Variants in DROSHA observed in about 807,000 individuals in gnomAD.
DROSHA encodes the protein drosha ribonuclease III.
Under a neutral mutation model 181.9 loss-of-function variants are expected in DROSHA, and 56 were observed. The observed-to-expected ratio is 0.31, with a 90% CI of 0.25 to 0.38. The LOEUF is 0.38. DROSHA is among the 10% of genes least tolerant of loss of function. The probability of loss-of-function intolerance (pLI) is 1.00; values close to 1 mark genes in which losing one functional copy is unlikely to be tolerated. For synonymous variants in DROSHA, 524 were observed against 591.2 expected (o/e 0.89, Z 1.65); for missense variants, 1,218 against 1,743.5 (o/e 0.70, Z 5.37).
In DROSHA at chr5:31,510,142, AAATT is replaced by A. The variant is rs147786652; in HGVS notation, c.1432+889_1432+892del. ...AAGAAAAATAATTAATTTTTAAAAT[AAATT>A]AATCCTATAAGAGATTAACATAGTA... On this transcript the variant is annotated intron_variant, in intron 9 of 35. Coordinates refer to ENST00000344624, the MANE Select transcript of DROSHA (RefSeq NM_001382508.1). Among the ~76,000 whole-genome samples, 176 of 152,264 alleles carry A rather than the reference AAATT, an allele frequency of 1.2e-3. 1 individual carries two copies. In the East Asian group the frequency reaches 0.029, roughly 25 times the overall value.
Position 31,493,195 on chromosome 5 carries a change from G to T in DROSHA, c.1842+12C>A. ...AAGGAAAGAGAAAAGCAGCCAACTG[G>T]CACATACTTACATTGGTCAGGGGGG... On this transcript the variant is annotated intron_variant, in intron 13 of 35. Coordinates refer to ENST00000344624, the MANE Select transcript of DROSHA (RefSeq NM_001382508.1). 6.3e-7 allele frequency: 1 copy of T among 1,599,716 alleles called. No individual in the cohort carries two copies. Among genetic ancestry groups the T allele is most frequent in the Non-Finnish European group, 8.5e-7 (1 of 1,173,952 alleles).
At position 31,521,173 on chromosome 5, in the gene DROSHA, T is replaced by A. The variant is rs1739848958; in HGVS notation, c.897A>T (p.Arg299Ser). The A allele has an allele frequency of 2.5e-6, 4 of 1,613,624 alleles. No individual in the cohort carries two copies. Among genetic ancestry groups the A allele is most frequent in the Non-Finnish European group, 2.5e-6 (3 of 1,179,688 alleles). ...TGTAGGACCTTTCCAGAGATGGTGA[T>A]CTTCGGTTGTCTCGATGCCTGTGTC... ...RERHRHRDNR[R>S]SPSLERSYKK... Residue 299 changes from arginine (R) to serine (S), a missense_variant, in exon 6 of 36, where the codon AGA (arginine) becomes AGT (serine). By Grantham distance (110) the Arg-to-Ser change is moderately radical. Around this residue, in one of 8 missense-constraint regions of DROSHA, gnomAD observed 536 missense variants for 535.4 expected, o/e 1.00. Coordinates refer to ENST00000344624, the MANE Select transcript of DROSHA (RefSeq NM_001382508.1).
chr5:31,458,660 G>A (rs1265202502), intron 20 of DROSHA, among the ~76,000 whole-genome samples: 1 of 152,158 alleles, frequency 6.6e-6, no homozygotes, highest in Non-Finnish European at 1.5e-5. Flanking sequence ...CTATGATGAT[G>A]GAAATATCCT....
rs1744971497 is a variant in DROSHA at position 31,437,317 on chromosome 5, A to C, written c.2883-19T>G. On this transcript the variant is annotated intron_variant, in intron 23 of 35. Transcript: ENST00000344624. The stretch of plus-strand genomic sequence containing the variant: ...GTTAATCCTACAATAGGAATTAAAA[A>C]GGTTACTTAATACAGCATATTAACA... 6.4e-7 allele frequency: 1 copy of C among 1,555,174 alleles called. No individual in the cohort carries two copies. The highest frequency in any genetic ancestry group is 8.7e-7 in the Non-Finnish European group (1 of 1,149,318).
intron 13 of DROSHA, among the ~76,000 whole-genome samples, chr5:31,487,377 A>G (rs1561238873): frequency 6.6e-6 from 1 of 152,210 alleles, no homozygotes; most frequent in Non-Finnish European, 1.5e-5. Context: ...ATAAATCCAC[A>G]TCTATCTTAC....
At chr5:31,517,969 A>G (rs1245133552) in intron 6 of DROSHA, among the ~76,000 whole-genome samples, 1 of 152,230 alleles carries the variant, frequency 6.6e-6, no homozygotes, top group Non-Finnish European at 1.5e-5. Flanking sequence ...AAAATTATAG[A>G]TTACAGTCAT....
chr5:31,512,210 C>T (rs1016187985), intron 8 of DROSHA, among the ~76,000 whole-genome samples: 13 of 152,194 alleles, frequency 8.5e-5, no homozygotes, highest in African/African-American at 2.9e-4. Context: ...ATAATTCAGG[C>T]CCCATCTCAT....
intron 20 of DROSHA, 63 bp downstream of exon 20, chr5:31,464,168 CTCAGT>C (rs1299584305): frequency 7.5e-7 from 1 of 1,329,130 alleles, no homozygotes; most frequent in African/African-American, 1.5e-5. Flanking sequence ...TTAAGAAACC[CTCAGT>C]ACCAGATTTG....
chr5:31,446,812 G>A (rs1746361517), intron 23 of DROSHA, among the ~76,000 whole-genome samples: 1 of 152,162 alleles, frequency 6.6e-6, no homozygotes, highest in African/African-American at 2.4e-5. Context: ...GCCCAAGGCA[G>A]ATGGATAACT....
chr5:31,447,393 A>G (rs1191525459), intron 23 of DROSHA, among the ~76,000 whole-genome samples: 1 of 152,220 alleles, frequency 6.6e-6, no homozygotes, highest in Non-Finnish European at 1.5e-5. Context: ...AAAAGATGGT[A>G]ATGATTCCCA....
chr5:31,438,827 G>T (rs1279478930), intron 23 of DROSHA, among the ~76,000 whole-genome samples: 1 of 152,040 alleles, frequency 6.6e-6, no homozygotes, highest in Non-Finnish European at 1.5e-5. Flanking sequence ...GAGTGCCGAA[G>T]TTGAGAAGTC....
At chr5:31,466,417 A>C in intron 18 of DROSHA, 136 bp from the exon 19 acceptor site, 1 of 721,794 alleles carries the variant, frequency 1.4e-6, no homozygotes, top group South Asian at 1.8e-5. Flanking sequence ...GAAAGCCATC[A>C]TTCTAAGGAA....
chr5:31,435,143 T>C (rs1012944016), intron 25 of DROSHA, among the ~76,000 whole-genome samples: 3 of 152,242 alleles, frequency 2.0e-5, no homozygotes, highest in African/African-American at 7.2e-5. Flanking sequence ...GGAATGTTCT[T>C]ATCAGCCATG....
In DROSHA at chr5:31,515,480, C is replaced by T. The variant is rs1189192557; in HGVS notation, c.1032G>A (p.Trp344Ter). Residue 344 changes from tryptophan (W) to a stop codon, truncating the protein, a stop_gained, in exon 7 of 36, where the codon TGG (tryptophan) becomes TGA (stop). Transcript: ENST00000344624. LOFTEE classifies it high-confidence loss of function. The part of the protein sequence containing the change: ...PGEIIKNTDS[W>*]APPLEIVNHR... ...GATTCACAATCTCCAGGGGTGGGGC[C>T]CAAGAATCTGTATTTTTAATAATCT... 1 of 1,450,466 alleles carries T rather than the reference C, an allele frequency of 6.9e-7. No homozygotes were observed. Among genetic ancestry groups the T allele is most frequent in the Non-Finnish European group, 9.5e-7 (1 of 1,054,142 alleles). 89.8% of individuals were successfully genotyped at this position (1,450,466 alleles called of 1,614,324 possible). A position where few individuals can be genotyped will look rare whatever the true frequency, so the allele number is the denominator to read the frequency against.
At chr5:31,517,168 C>T (rs992658012) in intron 6 of DROSHA, among the ~76,000 whole-genome samples, 2 of 152,168 alleles carry the variant, frequency 1.3e-5, no homozygotes, top group Non-Finnish European at 2.9e-5. Context: ...ATTCTGGTCA[C>T]AGGCTATGCA....
chr5:31,402,102 G>T (rs998036672), intron 35 of DROSHA, among the ~76,000 whole-genome samples: 7 of 152,174 alleles, frequency 4.6e-5, no homozygotes, highest in African/African-American at 1.7e-4. Flanking sequence ...TAATTTTTAG[G>T]TTTATGATGA....
rs765019342 is a variant in DROSHA, at chr5:31,521,096, T to TA, written c.947+26_947+27insT. The TA allele has an allele frequency of 1.5e-5, 24 of 1,609,322 alleles. No homozygotes were observed. In the South Asian group the frequency reaches 2.6e-4, roughly 18 times the overall value. Reference sequence around the variant, plus strand: ...GAATTCAAGGAGATAATCCTATGACTTCTTTCAGTGTCAACTCCTTGCTTA... The same window carrying TA: ...GAATTCAAGGAGATAATCCTATGACTATCTTTCAGTGTCAACTCCTTGCTTA... On this transcript the variant is annotated intron_variant, in intron 6 of 35. Coordinates refer to ENST00000344624, the MANE Select transcript of DROSHA (RefSeq NM_001382508.1).
chr5:31,511,489 C>T (rs1738671401), intron 8 of DROSHA, among the ~76,000 whole-genome samples: 5 of 151,886 alleles, frequency 3.3e-5, no homozygotes, highest in Admixed American at 3.3e-4. Context: ...GAGGATTGCT[C>T]GAGGCCAGGA....
chr5:31,421,479 GTTCATT>G, intron 29 of DROSHA, 102 bp from the exon 30 acceptor site: 1 of 945,364 alleles, frequency 1.1e-6, no homozygotes. Context: ...AAGACAATGT[GTTCATT>G]TTGTTTTAAA....
Sources: allele counts gnomAD v4.1 joint callset (sites outside exome capture counted in the v4.1 genomes callset), GRCh38; gene constraint gnomAD v4.1.1; regional missense constraint gnomAD v4.1.1; transcripts MANE v1.5; gene names NCBI Gene and HGNC (gene_info 2026-07-23, HGNC 2026-07-21).